The following SLK variants were observed in gnomAD, a reference collection of about 807,000 sequenced individuals.
SLK encodes STE20-like serine/threonine-protein kinase.
SLK carries 67 observed loss-of-function variants against 147.7 expected under a neutral mutation model. The ratio of observed to expected loss-of-function variants is 0.45; its 90% CI spans 0.37 to 0.56. The LOEUF (loss-of-function observed/expected upper bound fraction) is 0.56, where lower values mean the gene tolerates loss of function less well. SLK is among the 20% of genes least tolerant of loss of function. SLK has a pLI of 0.00. For missense variants in SLK, 1,136 were observed against 1,438.8 expected (o/e 0.79, Z 3.41); for synonymous variants, 441 against 475.0 (o/e 0.93, Z 0.93).
intron 4 of SLK, among the ~76,000 whole-genome samples, chr10:103,995,599 G>GT (rs1344368334): frequency 1.3e-5 from 2 of 150,948 alleles, no homozygotes; most frequent in Non-Finnish European, 1.5e-5. Context: ...GCTAATTTTT[G>GT]TTTTTTAGTA....
intron 9 of SLK, among the ~76,000 whole-genome samples, chr10:104,004,756 T>C (rs1844301763): frequency 6.6e-6 from 1 of 152,204 alleles, no homozygotes; most frequent in African/African-American, 2.4e-5. Context: ...CCAGTAAGTA[T>C]CTGCCCTGAA....
chr10:104,025,851 G>GA lies in SLK; in HGVS notation c.*131_*132insA, dbSNP rs1564666284. On this transcript the variant is annotated 3_prime_UTR_variant, in exon 19 of 19. Coordinates refer to ENST00000369755, the MANE Select transcript of SLK (RefSeq NM_014720.4). ...CACCTTCTAGGTGTTTTCCTTTTTT[G>GA]TTTTTTTTGTTTTGTTTTGTTTTTA... 10 of 762,034 alleles carry GA rather than the reference G, an allele frequency of 1.3e-5. No individual in the cohort carries two copies. The allele number at this position is 762,034 out of a possible 1,614,324, so 47.2% of individuals were successfully genotyped here.
intron 1 of SLK, among the ~76,000 whole-genome samples, chr10:103,975,363 T>G (rs957569975): frequency 3.4e-4 from 51 of 152,162 alleles, no homozygotes; most frequent in Non-Finnish European, 7.4e-5. Context: ...ATCTACCAGT[T>G]GCATAGGCCA....
In SLK at chr10:104,012,291, A is replaced by T. The variant is rs566330985; in HGVS notation, c.2877+1383A>T. Among the ~76,000 whole-genome samples, 231 of 152,328 alleles carry T rather than the reference A, an allele frequency of 1.5e-3. 2 individuals carry two copies. The highest frequency in any genetic ancestry group is 5.1e-3 in the African/African-American group (213 of 41,580). Reference sequence around the variant, plus strand: ...TCATTTCAAAGGAGAGAATATTTTTAACACCATGAAAAATAAGGAAAATAT... The same window carrying T: ...TCATTTCAAAGGAGAGAATATTTTTTACACCATGAAAAATAAGGAAAATAT... On this transcript the variant is annotated intron_variant, in intron 13 of 18. Transcript: ENST00000369755.
intron 1 of SLK, among the ~76,000 whole-genome samples, chr10:103,976,701 G>A (rs1484984473): frequency 6.6e-6 from 1 of 151,902 alleles, no homozygotes; most frequent in Non-Finnish European, 1.5e-5. Flanking sequence ...ATCCAGCTTT[G>A]GAAGCTTTCT....
intron 13 of SLK, among the ~76,000 whole-genome samples, chr10:104,012,963 T>C (rs562544329): frequency 1.3e-5 from 2 of 152,324 alleles, no homozygotes; most frequent in South Asian, 2.1e-4. Flanking sequence ...AATTAGGTAA[T>C]ACTATGTTTT....
chr10:104,025,473 C>T, intron 18 of SLK, 101 bp from the exon 19 acceptor site: 1 of 1,160,084 alleles, frequency 8.6e-7, no homozygotes, highest in Non-Finnish European at 1.2e-6. Flanking sequence ...GGATTATATA[C>T]AAAGAAAGTG....
At chr10:103,992,573 C>CTT (rs35624310) in intron 2 of SLK, 25 bp from the exon 3 acceptor site, 443 of 1,215,444 alleles carry the variant, frequency 3.6e-4, no homozygotes, top group South Asian at 2.0e-3. Context: ...TAGACACACG[C>CTT]TTTTTTTTTT....
chr10:103,972,637 A>C (rs1226670703), intron 1 of SLK, among the ~76,000 whole-genome samples: 1 of 149,798 alleles, frequency 6.7e-6, no homozygotes, highest in Non-Finnish European at 1.5e-5. Flanking sequence ...GCACCACTGC[A>C]CTCCAGCCTG....
intron 1 of SLK, among the ~76,000 whole-genome samples, chr10:103,984,044 A>G (rs975467466): frequency 3.3e-5 from 5 of 152,192 alleles, no homozygotes; most frequent in Non-Finnish European, 7.3e-5. Context: ...TCAGTTGGCA[A>G]CAGAGTTAGT....
At chr10:104,013,714 C>T (rs547551150) in intron 13 of SLK, among the ~76,000 whole-genome samples, 16 of 152,218 alleles carry the variant, frequency 1.1e-4, no homozygotes, top group Non-Finnish European at 2.1e-4. Flanking sequence ...GTAAGTCCCA[C>T]GTGCCTGTGG....
chr10:104,015,091 T>A (rs914340418), intron 13 of SLK, among the ~76,000 whole-genome samples: 3 of 151,698 alleles, frequency 2.0e-5, no homozygotes, highest in Admixed American at 2.0e-4. Flanking sequence ...ATATATTGAT[T>A]AGTGTGTAAG....
chr10:104,000,916 G>A (rs566464258), intron 7 of SLK, among the ~76,000 whole-genome samples: 3 of 151,798 alleles, frequency 2.0e-5, no homozygotes, highest in Non-Finnish European at 2.9e-5. Context: ...AAAATCAGCC[G>A]GGCATGGTGG....
At chr10:104,008,920 A>G (rs1191080077) in intron 12 of SLK, among the ~76,000 whole-genome samples, 2 of 152,200 alleles carry the variant, frequency 1.3e-5, no homozygotes, top group African/African-American at 2.4e-5. Context: ...CATGCTATCT[A>G]TAACTCATCA....
intron 13 of SLK, 130 bp from the exon 14 acceptor site, chr10:104,018,030 T>G: frequency 1.5e-6 from 1 of 666,496 alleles, no homozygotes; most frequent in Non-Finnish European, 2.5e-6. Flanking sequence ...TTTTAGTGAT[T>G]TTAAAATCCA....
chr10:103,972,907 G>GTGTGTATGTTGAT (rs1227831675), intron 1 of SLK, among the ~76,000 whole-genome samples: 2 of 152,142 alleles, frequency 1.3e-5, no homozygotes, highest in African/African-American at 4.8e-5. Context: ...TGTTGATTGT[G>GTGTGTATGTTGAT]TGTGTGTACA....
chr10:103,998,029 A>G (rs921422001), intron 4 of SLK, among the ~76,000 whole-genome samples: 1 of 152,188 alleles, frequency 6.6e-6, no homozygotes, highest in African/African-American at 2.4e-5. Context: ...AGAACCTTCC[A>G]TTTCTGCAAC....
intron 13 of SLK, among the ~76,000 whole-genome samples, chr10:104,013,050 A>T (rs911290698): frequency 2.6e-5 from 4 of 152,252 alleles, no homozygotes; most frequent in African/African-American, 9.6e-5. Context: ...GAAAGTAATC[A>T]TAAATTCCTT....
At chr10:103,977,866 A>G (rs916842109) in intron 1 of SLK, among the ~76,000 whole-genome samples, 2 of 152,166 alleles carry the variant, frequency 1.3e-5, no homozygotes, top group African/African-American at 4.8e-5. Context: ...TTTCAATCCT[A>G]TAAAAATGTT....
Sources: allele counts gnomAD v4.1 joint callset (sites outside exome capture counted in the v4.1 genomes callset), GRCh38; gene constraint gnomAD v4.1.1; transcripts MANE v1.5; gene names NCBI Gene and HGNC (gene_info 2026-07-23, HGNC 2026-07-21).